The following TTC29 variants were observed in gnomAD, a reference collection of about 807,000 sequenced individuals.
TTC29 encodes the protein tetratricopeptide repeat protein 29.
A neutral mutation model predicts 58.1 loss-of-function variants in TTC29; 49 were observed. That is an observed-to-expected ratio of 0.84 (90% confidence interval 0.67 to 1.07). The LOEUF is 1.07. Ranked by LOEUF, TTC29 falls within the 50% of genes least tolerant of loss-of-function variation. TTC29 has a pLI of 0.00. For missense variants in TTC29, 582 were observed against 555.6 expected, an observed-to-expected ratio of 1.05 and a Z score of -0.48; for synonymous variants, 209 against 196.8, an observed-to-expected ratio of 1.06 and a Z score of -0.52.
intron 2 of TTC29, among the ~76,000 whole-genome samples, chr4:146,944,541 A>G (rs1290012002): frequency 6.6e-6 from 1 of 152,168 alleles, no homozygotes; most frequent in East Asian, 1.9e-4. Flanking sequence ...ACCTACTACT[A>G]TGTAAATGGA....
intron 6 of TTC29, among the ~76,000 whole-genome samples, chr4:146,893,702 G>T (rs1361362647): frequency 6.6e-6 from 1 of 152,134 alleles, no homozygotes; most frequent in Non-Finnish European, 1.5e-5. Flanking sequence ...TTAAACTAAA[G>T]AGCTTCTGCA....
intron 9 of TTC29, among the ~76,000 whole-genome samples, chr4:146,827,596 G>T (rs1333759277): frequency 6.6e-6 from 1 of 152,142 alleles, no homozygotes; most frequent in Non-Finnish European, 1.5e-5. Context: ...CAGCCTCTTA[G>T]ATTAATAACT....
chr4:146,943,585 T>C (rs1355298340), intron 2 of TTC29, among the ~76,000 whole-genome samples: 3 of 152,184 alleles, frequency 2.0e-5, no homozygotes. Flanking sequence ...GAATTTTGTT[T>C]CTCAGAATCA....
At chr4:146,786,461 G>A (rs1749023906) in intron 11 of TTC29, among the ~76,000 whole-genome samples, 1 of 152,136 alleles carries the variant, frequency 6.6e-6, no homozygotes, top group African/African-American at 2.4e-5. Flanking sequence ...TGAAATCATA[G>A]CACCATGCTC....
intron 11 of TTC29, among the ~76,000 whole-genome samples, chr4:146,711,579 G>T (rs77878399): frequency 0.018 from 2,678 of 152,168 alleles, 33 homozygotes; most frequent in Admixed American, 0.044. Flanking sequence ...CTCAGATTAT[G>T]TTTTATGAAA....
rs1731715626 is a variant in TTC29 at position 146,882,730 on chromosome 4, A to G, written c.587-7802T>C. 1.3e-5 allele frequency among the ~76,000 whole-genome samples: 2 copies of G among 152,116 alleles called. 1 individual carries two copies. Among genetic ancestry groups the G allele is most frequent in the Admixed American group, 1.3e-4 (2 of 15,240 alleles). On this transcript the variant is annotated intron_variant, in intron 6 of 12. Coordinates refer to ENST00000325106, the MANE Select transcript of TTC29 (RefSeq NM_031956.4). ...GAAGCATCTATGCCGAAGTATCAGT[A>G]TTGATTATTGAAGATGGTGACGAGG... is the stretch of plus-strand genomic sequence containing the variant.
At chr4:146,851,031 C>T (rs1291972935) in intron 8 of TTC29, among the ~76,000 whole-genome samples, 1 of 152,128 alleles carries the variant, frequency 6.6e-6, no homozygotes, top group African/African-American at 2.4e-5. Context: ...CTTCATTTTA[C>T]AAAGCAAGGG....
At position 146,903,452 on chromosome 4, in the gene TTC29, G is replaced by T. The variant is rs1393910897; in HGVS notation, c.586+92C>A. On this transcript the variant is annotated intron_variant, in intron 6 of 12. Transcript: ENST00000325106. ...ATACATGATTATGCTGAAATCTCAGGTCTTTTTTCTCGACCACCACGTGTT... is the reference window on the plus strand; with the variant it reads ...ATACATGATTATGCTGAAATCTCAGTTCTTTTTTCTCGACCACCACGTGTT... 1.6e-5 allele frequency: 19 copies of T among 1,155,200 alleles called. 1 individual carries two copies. The South Asian group carries it at 2.5e-4, about 15-fold the overall frequency. The allele number at this position is 1,155,200 out of a possible 1,614,324, so 71.6% of individuals were successfully genotyped here. A position where few individuals can be genotyped will look rare whatever the true frequency, so the allele number is the denominator to read the frequency against.
intron 11 of TTC29, among the ~76,000 whole-genome samples, chr4:146,745,315 G>A (rs1745462676): frequency 6.6e-6 from 1 of 152,200 alleles, no homozygotes; most frequent in Admixed American, 6.5e-5. Flanking sequence ...AGAGCCTTCT[G>A]GAACTAGAAG....
intron 8 of TTC29, among the ~76,000 whole-genome samples, chr4:146,865,217 A>C (rs1301833418): frequency 6.6e-6 from 1 of 152,220 alleles, no homozygotes; most frequent in Non-Finnish European, 1.5e-5. Flanking sequence ...GGAATAGGAT[A>C]CACCAGCATT....
At chr4:146,719,599 T>C (rs1743209757) in intron 11 of TTC29, among the ~76,000 whole-genome samples, 1 of 152,148 alleles carries the variant, frequency 6.6e-6, no homozygotes, top group Non-Finnish European at 1.5e-5. Context: ...TTCTTAATAG[T>C]TGTTTGTCTA....
chr4:146,844,675 C>A (rs1227611500), intron 8 of TTC29, among the ~76,000 whole-genome samples: 7 of 152,100 alleles, frequency 4.6e-5, no homozygotes, highest in African/African-American at 1.7e-4. Context: ...ACCACTGTGC[C>A]CAGCCCCCAG....
chr4:146,796,917 G>C (rs550145225), intron 11 of TTC29, among the ~76,000 whole-genome samples: 9 of 152,156 alleles, frequency 5.9e-5, no homozygotes, highest in African/African-American at 1.9e-4. Flanking sequence ...TTGTGCAGTA[G>C]GCTGTGATGA....
chr4:146,770,317 A>G (rs1301936314), intron 11 of TTC29, among the ~76,000 whole-genome samples: 1 of 151,734 alleles, frequency 6.6e-6, no homozygotes, highest in African/African-American at 2.4e-5. Context: ...TGCATTTCTC[A>G]AAAAAAGCCT....
intron 11 of TTC29, among the ~76,000 whole-genome samples, chr4:146,744,270 G>A (rs1435035760): frequency 6.6e-6 from 1 of 151,988 alleles, no homozygotes; most frequent in African/African-American, 2.4e-5. Flanking sequence ...AGTGGCTCAT[G>A]ACTGTAATCC....
chr4:146,781,507 A>C (rs1355732408), intron 11 of TTC29, among the ~76,000 whole-genome samples: 2 of 151,968 alleles, frequency 1.3e-5, no homozygotes, highest in Admixed American at 1.3e-4. Flanking sequence ...ATAGTGTAAG[A>C]TTAAAACCTT....
intron 6 of TTC29, among the ~76,000 whole-genome samples, chr4:146,877,363 AGTTATT>A (rs1731335444): frequency 6.6e-6 from 1 of 152,168 alleles, no homozygotes. Flanking sequence ...ATACAATGAA[AGTTATT>A]TAAGAAATAA....
chr4:146,921,695 A>G (rs999593094), intron 4 of TTC29, among the ~76,000 whole-genome samples: 13 of 151,108 alleles, frequency 8.6e-5, no homozygotes, highest in African/African-American at 2.7e-4. Flanking sequence ...ATGAGAAGAC[A>G]TCGATTTTAA....
intron 11 of TTC29, among the ~76,000 whole-genome samples, chr4:146,788,576 A>C (rs897436732): frequency 2.0e-5 from 3 of 151,944 alleles, no homozygotes; most frequent in African/African-American, 7.3e-5. Flanking sequence ...ACACCATTTA[A>C]TAATAGTTCG....
Sources: gnomAD v4.1 joint callset for allele counts (sites outside exome capture counted in the v4.1 genomes callset) on GRCh38, gnomAD v4.1.1 for gene constraint, MANE v1.5 for transcripts, NCBI Gene and HGNC (gene_info 2026-07-23, HGNC 2026-07-21) for gene names.